PDE4B: variants seen among roughly 807,000 people sequenced by gnomAD.
The protein encoded by PDE4B is 3',5'-cyclic-AMP phosphodiesterase 4B.
A neutral mutation model predicts 82.2 loss-of-function variants in PDE4B; 20 were observed. The observed-to-expected ratio is 0.24, with a 90% CI of 0.17 to 0.35. The LOEUF is 0.35. Ranked by LOEUF, PDE4B falls within the 10% of genes least tolerant of loss-of-function variation. The pLI is 1.00. For synonymous variants in PDE4B, 320 were observed against 318.9 expected, an observed-to-expected ratio of 1.00 and a Z score of -0.04; for missense variants, 655 against 907.2, an observed-to-expected ratio of 0.72 and a Z score of 3.57.
chr1:66,110,676 C>A (rs1166645124), intron 3 of PDE4B, among the ~76,000 whole-genome samples: 1 of 151,978 alleles, frequency 6.6e-6, no homozygotes, highest in Non-Finnish European at 1.5e-5. Context: ...TTCTCTGAGG[C>A]TTGTGAGATA....
chr1:65,909,677 T>G (rs1232029929), intron 1 of PDE4B, among the ~76,000 whole-genome samples: 1 of 152,150 alleles, frequency 6.6e-6, no homozygotes, highest in African/African-American at 2.4e-5. Flanking sequence ...CCTTGGAAAT[T>G]TTTAGAAAGA....
intron 7 of PDE4B, among the ~76,000 whole-genome samples, chr1:66,323,874 A>G (rs1479398632): frequency 6.6e-6 from 1 of 152,178 alleles, no homozygotes; most frequent in African/African-American, 2.4e-5. Flanking sequence ...TTTTGTCAAT[A>G]TATTTACTTT....
chr1:65,823,403 A>G (rs1052940725), intron 1 of PDE4B, among the ~76,000 whole-genome samples: 1 of 151,362 alleles, frequency 6.6e-6, no homozygotes, highest in Admixed American at 6.6e-5. Flanking sequence ...CTCTAAAAAA[A>G]AAAAAAAAAA....
intron 3 of PDE4B, among the ~76,000 whole-genome samples, chr1:66,178,018 C>G (rs1294718874): frequency 6.7e-6 from 1 of 149,910 alleles, no homozygotes; most frequent in Admixed American, 6.6e-5. Context: ...CCTCACAATG[C>G]CTACTATTCC....
At chr1:66,057,204 T>G (rs948123555) in intron 3 of PDE4B, among the ~76,000 whole-genome samples, 5 of 152,192 alleles carry the variant, frequency 3.3e-5, no homozygotes, top group Non-Finnish European at 7.3e-5. Context: ...ACTGAGCACT[T>G]AGTATACACC....
chr1:66,372,415 A>G lies in PDE4B; in HGVS notation c.1948A>G (p.Asn650Asp). 1 of 1,614,038 alleles carries G rather than the reference A, an allele frequency of 6.2e-7. No individual in the cohort carries two copies. The highest frequency in any genetic ancestry group is 8.5e-7 in the Non-Finnish European group (1 of 1,179,894). ...DILDTLEDNRNWYQSMIPQSP... is the reference protein window; with the variant it reads ...DILDTLEDNRDWYQSMIPQSP... ...TCTCGATACCTTAGAAGATAACAGG[A>G]ACTGGTATCAGAGCATGATACCTCA... The change falls in exon 17 of 17, where the codon AAC becomes GAC. Residue 650 changes from asparagine (N) to aspartate (D), a missense_variant. By Grantham distance (23) the Asn-to-Asp change is conservative. Coordinates refer to ENST00000341517, the MANE Select transcript of PDE4B (RefSeq NM_002600.4).
At chr1:66,188,188 T>C (rs1163682573) in intron 3 of PDE4B, among the ~76,000 whole-genome samples, 5 of 152,140 alleles carry the variant, frequency 3.3e-5, no homozygotes, top group African/African-American at 1.2e-4. Context: ...GATTGCACTG[T>C]GGTCTGAGAG....
chr1:66,272,940 A>G (rs505237), intron 7 of PDE4B, among the ~76,000 whole-genome samples: 92,578 of 151,056 alleles, frequency 0.61, 28,875 homozygotes, highest in African/African-American at 0.69. Flanking sequence ...ACAGGACCCC[A>G]CCACCGTGCC....
chr1:65,875,334 C>T (rs1241294947), intron 1 of PDE4B, among the ~76,000 whole-genome samples: 2 of 149,358 alleles, frequency 1.3e-5, no homozygotes, highest in African/African-American at 4.9e-5. Context: ...GAAGTAGGAA[C>T]ACTTTTACAC....
At chr1:65,835,208 C>G (rs1366847227) in intron 1 of PDE4B, among the ~76,000 whole-genome samples, 1 of 152,080 alleles carries the variant, frequency 6.6e-6, no homozygotes, top group Non-Finnish European at 1.5e-5. Context: ...TTCTGGTATG[C>G]CTGCTTTGGC....
rs11208841 is a variant in PDE4B at position 66,364,358 on chromosome 1, G to C, written c.1284+787G>C. On this transcript the variant is annotated intron_variant, in intron 12 of 16. Coordinates refer to ENST00000341517, the MANE Select transcript of PDE4B (RefSeq NM_002600.4). The stretch of plus-strand genomic sequence containing the variant: ...ACAAGGAGAAACAATATTCATATTT[G>C]CCATACCAACTCTGAGAAGGTGGCC... Among the ~76,000 whole-genome samples, 1,148 of 152,286 alleles carry C rather than the reference G, an allele frequency of 7.5e-3. 14 individuals carry two copies. Among genetic ancestry groups the C allele is most frequent in the African/African-American group, 0.026 (1,092 of 41,550 alleles).
chr1:65,960,011 A>T (rs775255034), intron 3 of PDE4B, among the ~76,000 whole-genome samples: 1 of 152,124 alleles, frequency 6.6e-6, no homozygotes, highest in Non-Finnish European at 1.5e-5. Flanking sequence ...TGCCTGGCTC[A>T]CATATTTGAT....
chr1:65,842,014 C>T (rs1399313986), intron 1 of PDE4B, among the ~76,000 whole-genome samples: 1 of 152,118 alleles, frequency 6.6e-6, no homozygotes, highest in East Asian at 1.9e-4. Context: ...AATATTAAAT[C>T]AACTTAGTCT....
At chr1:65,995,906 T>A (rs1224424207) in intron 3 of PDE4B, among the ~76,000 whole-genome samples, 1 of 152,194 alleles carries the variant, frequency 6.6e-6, no homozygotes, top group Non-Finnish European at 1.5e-5. Flanking sequence ...AGGATGCAGT[T>A]TATATGCAAA....
At chr1:66,064,249 A>G (rs556683166) in intron 3 of PDE4B, among the ~76,000 whole-genome samples, 1 of 152,056 alleles carries the variant, frequency 6.6e-6, no homozygotes, top group African/African-American at 2.4e-5. Flanking sequence ...AAGGTAAGGG[A>G]CAAAGCCAGG....
chr1:66,303,838 C>T (rs1449745525), intron 7 of PDE4B, among the ~76,000 whole-genome samples: 1 of 152,094 alleles, frequency 6.6e-6, no homozygotes, highest in East Asian at 1.9e-4. Flanking sequence ...GGTATTATTG[C>T]TGGGAACCAA....
At chr1:66,330,565 A>G (rs910693) in intron 7 of PDE4B, among the ~76,000 whole-genome samples, 95,309 of 152,080 alleles carry the variant, frequency 0.63, 30,097 homozygotes, top group East Asian at 0.83. Context: ...GTGAATGTCC[A>G]ATATTAGTTA....
At position 66,365,618 on chromosome 1, in the gene PDE4B, A is replaced by G. The variant is rs757585394; in HGVS notation, c.1285-49A>G. The G allele has an allele frequency of 2.9e-6, 3 of 1,040,630 alleles. No homozygotes were observed. The South Asian group carries it at 4.1e-5, about 14-fold the overall frequency. The allele number at this position is 1,040,630 out of a possible 1,614,324, so 64.5% of individuals were successfully genotyped here. On this transcript the variant is annotated intron_variant, in intron 12 of 16. Transcript: ENST00000341517. ...ACTTTACAAATGAAACTGAATAAGC[A>G]GGATAGGCGAATTGGATGTGTAGTT...
chr1:66,276,702 A>G (rs55768441), intron 7 of PDE4B, among the ~76,000 whole-genome samples: 1 of 152,236 alleles, frequency 6.6e-6, no homozygotes, highest in Non-Finnish European at 1.5e-5. Flanking sequence ...TGTGTTAGCC[A>G]CTGAGGATGC....
Sources: gnomAD v4.1 joint callset for allele counts (sites outside exome capture counted in the v4.1 genomes callset) on GRCh38, gnomAD v4.1.1 for gene constraint, MANE v1.5 for transcripts, NCBI Gene and HGNC (gene_info 2026-07-23, HGNC 2026-07-21) for gene names.